KIAA1210: variants seen among roughly 807,000 people sequenced by gnomAD.
The protein encoded by KIAA1210 is KIAA1210.
Under a neutral mutation model 78.9 loss-of-function variants are expected in KIAA1210, and 48 were observed. The ratio of observed to expected loss-of-function variants is 0.61; its 90% CI spans 0.48 to 0.77. The LOEUF (loss-of-function observed/expected upper bound fraction) is 0.77, where lower values mean the gene tolerates loss of function less well. KIAA1210 is among the 30% of genes least tolerant of loss of function. The pLI, the probability that KIAA1210 is intolerant of heterozygous loss-of-function variation, is 0.00. For synonymous variants in KIAA1210, 406 were observed against 404.5 expected, an observed-to-expected ratio of 1.00 and a Z score of -0.04; for missense variants, 1,108 against 1,100.0, an observed-to-expected ratio of 1.01 and a Z score of -0.10.
chrX:119,109,553 T>C (rs760032741), intron 3 of KIAA1210, among the ~76,000 whole-genome samples: 4 of 112,110 alleles, frequency 3.6e-5, no homozygotes, highest in Admixed American at 1.9e-4. Context: ...ATTATGAGCA[T>C]ATATCCTTTT....
rs201664658 is a variant in KIAA1210, at chrX:119,093,755, C to T, written c.867G>A (p.Glu289=). The T allele has an allele frequency of 9.3e-4, 1,123 of 1,204,877 alleles. No individual in the cohort carries two copies. Among genetic ancestry groups the T allele is most frequent in the Non-Finnish European group, 1.1e-3 (994 of 892,104 alleles). Reference sequence around the variant, plus strand: ...CTTCAGAAACCAATGGAAGGTTTGGCTCCTCCTCCTTTGGTTCCACCTGAA... The same window carrying T: ...CTTCAGAAACCAATGGAAGGTTTGGTTCCTCCTCCTTTGGTTCCACCTGAA... The part of the protein sequence containing the change: ...LQVIVEPKEE[E]PNLPLVSEEE... Residue 289 remains glutamate (E), a synonymous_variant, in exon 8 of 12, where the codon GAG becomes GAA. Transcript: ENST00000691062.
chrX:119,130,101 A>T (rs769916806), upstream of KIAA1210, among the ~76,000 whole-genome samples: 5 of 112,036 alleles, frequency 4.5e-5, no homozygotes, highest in East Asian at 1.4e-3. Flanking sequence ...GTTCTCTCTG[A>T]AATATAACCA....
chrX:119,082,233 G>A (rs1254154874), intron 11 of KIAA1210, among the ~76,000 whole-genome samples: 2 of 112,327 alleles, frequency 1.8e-5, no homozygotes, highest in Admixed American at 9.4e-5. Context: ...AGCTCACCAG[G>A]TGATTCTGAT....
intron 3 of KIAA1210, among the ~76,000 whole-genome samples, chrX:119,114,882 A>C (rs1928203645): frequency 9.0e-6 from 1 of 111,607 alleles, no homozygotes; most frequent in Non-Finnish European, 1.9e-5. Flanking sequence ...AAAAATAAAA[A>C]CTCCCAAACA....
intron 10 of KIAA1210, among the ~76,000 whole-genome samples, chrX:119,084,109 G>T (rs1245794878): frequency 9.5e-6 from 1 of 105,221 alleles, no homozygotes; most frequent in Non-Finnish European, 1.9e-5. Flanking sequence ...GACCTTTAAA[G>T]CAAAGAGTTA....
intron 1 of KIAA1210, 55 bp from the exon 2 acceptor site, chrX:119,123,707 G>T: frequency 1.3e-6 from 1 of 784,495 alleles, no homozygotes; most frequent in Non-Finnish European, 1.9e-6. Flanking sequence ...TATTCAGGGC[G>T]TAATGCAATC....
chrX:119,097,790 G>C (rs757572252), intron 6 of KIAA1210, among the ~76,000 whole-genome samples: 1 of 111,888 alleles, frequency 8.9e-6, no homozygotes, highest in South Asian at 3.8e-4. Context: ...AAATCCTGCA[G>C]ACCATTCAGT....
chrX:119,087,144 C>G lies in KIAA1210; in HGVS notation c.3558G>C (p.Glu1186Asp), dbSNP rs1377046652. Residue 1186 changes from glutamate (E) to aspartate (D), a missense_variant, in exon 9 of 12, where the codon GAG (glutamate) becomes GAC (aspartate). Coordinates refer to ENST00000691062, the MANE Select transcript of KIAA1210 (RefSeq NM_001394962.1). Reference sequence around the variant, plus strand: ...AAGGACTACTTGAAGGCAGGTGCTTCTCACCGCTGCTCTGCTTTACAGGTA... The same window carrying G: ...AAGGACTACTTGAAGGCAGGTGCTTGTCACCGCTGCTCTGCTTTACAGGTA... ...VNVPVKQSSG[E>D]KHLPSSSPFQ... The G allele has an allele frequency of 3.6e-5, 44 of 1,211,581 alleles. No individual in the cohort carries two copies. Among genetic ancestry groups the G allele is most frequent in the Non-Finnish European group, 4.9e-5 (44 of 895,347 alleles).
At chrX:119,115,776 T>C (rs757006674) in intron 3 of KIAA1210, among the ~76,000 whole-genome samples, 1 of 111,597 alleles carries the variant, frequency 9.0e-6, no homozygotes, top group South Asian at 3.8e-4. Flanking sequence ...CAGCTGGGAA[T>C]CCTAGGTGTC....
At chrX:119,127,882 T>C (rs1053855733), upstream of KIAA1210, among the ~76,000 whole-genome samples, 2 of 111,514 alleles carry the variant, frequency 1.8e-5, no homozygotes, top group African/African-American at 6.5e-5. Context: ...GCCCTTCTTT[T>C]TGAATAATTT....
chrX:119,110,808 A>C (rs968988042), intron 3 of KIAA1210, among the ~76,000 whole-genome samples: 3 of 112,083 alleles, frequency 2.7e-5, no homozygotes, highest in Admixed American at 9.5e-5. Context: ...TCCTGAATAA[A>C]TGAAAGGAAA....
intron 9 of KIAA1210, 122 bp downstream of exon 9, chrX:119,086,424 A>G: frequency 1.5e-6 from 1 of 666,779 alleles, no homozygotes; most frequent in Non-Finnish European, 2.3e-6. Flanking sequence ...CTCATAAACC[A>G]GCCCTATCAA....
At chrX:119,115,540 C>T (rs374014328) in intron 3 of KIAA1210, among the ~76,000 whole-genome samples, 10 of 111,987 alleles carry the variant, frequency 8.9e-5, no homozygotes, top group Admixed American at 2.8e-4. Context: ...CTTAAGGAGC[C>T]ATATATGATA....
At chrX:119,122,715 C>G (rs1468207275) in intron 2 of KIAA1210, among the ~76,000 whole-genome samples, 4 of 111,743 alleles carry the variant, frequency 3.6e-5, no homozygotes, top group Non-Finnish European at 7.5e-5. Context: ...CTCTTTTTCT[C>G]TCTGTCTCTC....
chrX:119,126,574 C>A (rs905787870), intron 1 of KIAA1210, among the ~76,000 whole-genome samples: 4 of 112,294 alleles, frequency 3.6e-5, no homozygotes, highest in Admixed American at 9.4e-5. Flanking sequence ...CTCACACACA[C>A]ATGGAGACAC....
Position 119,135,708 on chromosome X carries a change from A to C in KIAA1210, c.410+11765T>G, listed in dbSNP as rs998332257. Among the ~76,000 whole-genome samples, 26 of 111,967 alleles carry C rather than the reference A, an allele frequency of 2.3e-4. No individual in the cohort carries two copies. The Admixed American group carries it at 2.4e-3, about 10-fold the overall frequency. On this transcript the variant is annotated intron_variant, in intron 2 of 13. Transcript: ENST00000402510. ...TTATTACTGCTTCCAGTGGTCAATA[A>C]TAACACCAGTTGAGGGAGGAGGTAA... is the stretch of plus-strand genomic sequence containing the variant.
chrX:119,081,369 T>G lies in KIAA1210; in HGVS notation c.4562A>C (p.Lys1521Thr), dbSNP rs1450520678. The change falls in exon 12 of 12, where the codon AAA becomes ACA. Residue 1521 changes from lysine to threonine, a missense_variant. Coordinates refer to ENST00000691062, the MANE Select transcript of KIAA1210 (RefSeq NM_001394962.1). Reference sequence around the variant, plus strand: ...TGCCATGTGGCTCCATGCTTTGGCTTTCTTCCTGGCCAGTGAGAACCAGAC... The same window carrying G: ...TGCCATGTGGCTCCATGCTTTGGCTGTCTTCCTGGCCAGTGAGAACCAGAC... ...EPVWFSLARK[K>T]AKAWSHMAEI... 8.3e-7 allele frequency: 1 copy of G among 1,208,305 alleles called. No individual in the cohort carries two copies. The highest frequency in any genetic ancestry group is 1.1e-6 in the Non-Finnish European group (1 of 893,846).
intron 1 of KIAA1210, among the ~76,000 whole-genome samples, chrX:119,150,049 A>G (rs1929256132): frequency 8.9e-6 from 1 of 112,206 alleles, no homozygotes; most frequent in Admixed American, 9.5e-5. Flanking sequence ...GCTGTCAGTT[A>G]TTTGAATGGT....
chrX:119,096,685 A>G lies in KIAA1210; in HGVS notation c.655T>C (p.Ser219Pro). The G allele has an allele frequency of 8.4e-7, 1 of 1,196,463 alleles. No individual in the cohort carries two copies. Among genetic ancestry groups the G allele is most frequent in the Non-Finnish European group, 1.1e-6 (1 of 885,898 alleles). ...CAATCAGGTCCAGATGATAACTCAGAGAAGCTCTGGGGAAGGTGGGAGAAA... is the reference window on the plus strand; with the variant it reads ...CAATCAGGTCCAGATGATAACTCAGGGAAGCTCTGGGGAAGGTGGGAGAAA... ...HKSLTATQSF[S>P]ELSSGPDCSQ... Residue 219 changes from serine to proline, a missense_variant, in exon 7 of 12, where the codon TCT becomes CCT. By Grantham distance (74) the Ser-to-Pro change is moderately conservative. This residue lies in a region of KIAA1210 where 672 missense variants were observed against 607.1 expected (regional missense o/e 1.11). Transcript: ENST00000691062.
Sources: allele counts gnomAD v4.1 joint callset (sites outside exome capture counted in the v4.1 genomes callset), GRCh38; gene constraint gnomAD v4.1.1; regional missense constraint gnomAD v4.1.1; transcripts MANE v1.5; gene names NCBI Gene and HGNC (gene_info 2026-07-23, HGNC 2026-07-21).